The following KLKB1 variants were observed in gnomAD, a reference collection of about 807,000 sequenced individuals.
The protein encoded by KLKB1 is kallikrein B1.
Under a neutral mutation model 73.6 loss-of-function variants are expected in KLKB1, and 58 were observed. The observed-to-expected ratio is 0.79, with a 90% CI of 0.64 to 0.98. The LOEUF (loss-of-function observed/expected upper bound fraction) is 0.98. Ranked by LOEUF, KLKB1 falls within the 50% of genes least tolerant of loss-of-function variation. KLKB1 has a pLI of 0.00. For missense variants in KLKB1, 737 were observed against 763.8 expected (o/e 0.96, Z 0.41); for synonymous variants, 280 against 258.1 (o/e 1.08, Z -0.81).
chr4:186,215,040 G>A (rs1248811462), intron 2 of KLKB1, among the ~76,000 whole-genome samples: 1 of 152,002 alleles, frequency 6.6e-6, no homozygotes, highest in Non-Finnish European at 1.5e-5. Flanking sequence ...CAGAAATAAC[G>A]GCTGTACTTA....
intron 12 of KLKB1, 107 bp downstream of exon 12, chr4:186,254,870 C>T: frequency 1.0e-6 from 1 of 993,680 alleles, no homozygotes; most frequent in Non-Finnish European, 1.5e-6. Context: ...CGTTTTCTGA[C>T]TGGTGGAGTT....
At position 186,240,798 on chromosome 4, in the gene KLKB1, TA is replaced by T. The variant is rs1239897470; in HGVS notation, c.598+2434del. Among the ~76,000 whole-genome samples, 5 of 152,308 alleles carry T rather than the reference TA, an allele frequency of 3.3e-5. No homozygotes were observed. In the East Asian group the frequency reaches 9.7e-4, roughly 29 times the overall value. The stretch of plus-strand genomic sequence containing the variant: ...GGTGATTTAATTTTAACGTTCATAT[TA>T]TTTTTTTCTGGGAGAGTTTTTGAAG... On this transcript the variant is annotated intron_variant, in intron 6 of 14. Coordinates refer to ENST00000264690, the MANE Select transcript of KLKB1 (RefSeq NM_000892.5).
chr4:186,237,430 C>T (rs180987112), intron 5 of KLKB1, among the ~76,000 whole-genome samples: 2 of 152,202 alleles, frequency 1.3e-5, no homozygotes, highest in Non-Finnish European at 2.9e-5. Context: ...CATTTAATTT[C>T]ATTTGTTTCT....
At chr4:186,250,211 C>G in intron 6 of KLKB1, 32 bp from the exon 7 acceptor site, 1 of 1,609,186 alleles carries the variant, frequency 6.2e-7, no homozygotes, top group Admixed American at 1.7e-5. Context: ...ATGTCATTTC[C>G]TAAGGAACAT....
intron 4 of KLKB1, among the ~76,000 whole-genome samples, chr4:186,235,854 G>T (rs987224083): frequency 6.6e-6 from 1 of 151,934 alleles, no homozygotes; most frequent in Non-Finnish European, 1.5e-5. Flanking sequence ...GGTGGCTCAC[G>T]CCTGTAATCC....
At chr4:186,253,349 A>G (rs1470931413) in intron 11 of KLKB1, among the ~76,000 whole-genome samples, 1 of 152,212 alleles carries the variant, frequency 6.6e-6, no homozygotes, top group East Asian at 1.9e-4. Context: ...CTGCCACCAA[A>G]ATATAGCAGT....
At chr4:186,240,633 T>C (rs965073972) in intron 6 of KLKB1, among the ~76,000 whole-genome samples, 2 of 152,184 alleles carry the variant, frequency 1.3e-5, no homozygotes, top group African/African-American at 4.8e-5. Context: ...GTGCTGGCTC[T>C]GTGCCTGGCC....
intron 14 of KLKB1, among the ~76,000 whole-genome samples, chr4:186,257,737 AAGAG>A (rs1739079457): frequency 1.5e-5 from 2 of 131,750 alleles, no homozygotes; most frequent in Non-Finnish European, 3.2e-5. Flanking sequence ...AACTTTAAGA[AAGAG>A]TGAGTGTGTG....
chr4:186,241,018 T>G (rs1738015072), intron 6 of KLKB1, among the ~76,000 whole-genome samples: 1 of 152,098 alleles, frequency 6.6e-6, no homozygotes, highest in South Asian at 2.1e-4. Context: ...TAAATTGCAG[T>G]GAGTTCACAT....
At position 186,214,331 on chromosome 4, in the gene KLKB1, A is replaced by G. The variant is rs72647311; in HGVS notation, c.201+5059A>G. 9.8e-3 allele frequency among the ~76,000 whole-genome samples: 1,495 copies of G among 152,320 alleles called. 25 individuals carry two copies. Among genetic ancestry groups the G allele is most frequent in the African/African-American group, 0.034 (1,427 of 41,554 alleles). On this transcript the variant is annotated intron_variant, in intron 2 of 14. Coordinates refer to the KLKB1 transcript ENST00000511608. ...CCTACTTGGGAACCCAAGAGCCAGT[A>G]TATTGCCGTTTGCTTAAAAGGACTG...
rs146809417 is a variant in KLKB1 at position 186,240,844 on chromosome 4, C to T, written c.598+2479C>T. On this transcript the variant is annotated intron_variant, in intron 6 of 14. Transcript: ENST00000264690. ...TTGAAGGCTGCCAGGAGGCAGGACTCGATGCAAACATGCTCCATTCTGTAC... is the reference window on the plus strand; with the variant it reads ...TTGAAGGCTGCCAGGAGGCAGGACTTGATGCAAACATGCTCCATTCTGTAC... 2.0e-3 allele frequency among the ~76,000 whole-genome samples: 304 copies of T among 152,226 alleles called. 1 individual carries two copies. The highest frequency in any genetic ancestry group is 3.4e-3 in the Middle Eastern group (1 of 294).
At chr4:186,215,348 C>CT (rs1736863861) in intron 2 of KLKB1, among the ~76,000 whole-genome samples, 1 of 76,368 alleles carries the variant, frequency 1.3e-5, no homozygotes, top group Non-Finnish European at 2.8e-5. Context: ...CTCTTTCTTT[C>CT]CTTCTTTCTT....
At chr4:186,224,458 A>C (rs1278532762), upstream of KLKB1, among the ~76,000 whole-genome samples, 1 of 152,226 alleles carries the variant, frequency 6.6e-6, no homozygotes, top group African/African-American at 2.4e-5. Flanking sequence ...CACACCTTGC[A>C]TCAGCATGCC....
At chr4:186,247,633 A>G (rs1738425728) in intron 6 of KLKB1, among the ~76,000 whole-genome samples, 2 of 152,214 alleles carry the variant, frequency 1.3e-5, no homozygotes, top group Admixed American at 1.3e-4. Context: ...TACACTTTGG[A>G]AAAGATGGGG....
chr4:186,226,920 G>C (rs146601477), upstream of KLKB1, among the ~76,000 whole-genome samples: 1 of 152,114 alleles, frequency 6.6e-6, no homozygotes, highest in Non-Finnish European at 1.5e-5. Flanking sequence ...TCTAGGTTTT[G>C]TGTGGCCATC....
chr4:186,250,522 A>G, intron 7 of KLKB1, 120 bp downstream of exon 7: 1 of 1,139,410 alleles, frequency 8.8e-7, no homozygotes, highest in East Asian at 2.3e-5. Context: ...CCCTCAAAAC[A>G]CTTGAACCTG....
At chr4:186,225,678 C>T (rs1737145765), upstream of KLKB1, among the ~76,000 whole-genome samples, 1 of 152,086 alleles carries the variant, frequency 6.6e-6, no homozygotes, top group Non-Finnish European at 1.5e-5. Context: ...TCATGATCCA[C>T]CCATCTTGGC....
At chr4:186,223,169 A>G (rs1737067343), upstream of KLKB1, among the ~76,000 whole-genome samples, 1 of 152,204 alleles carries the variant, frequency 6.6e-6, no homozygotes, top group Non-Finnish European at 1.5e-5. Flanking sequence ...TGAGTCATTT[A>G]GACCTCTTTT....
At chr4:186,230,856 T>C (rs183656755) in intron 2 of KLKB1, among the ~76,000 whole-genome samples, 2 of 152,296 alleles carry the variant, frequency 1.3e-5, no homozygotes, top group East Asian at 1.9e-4. Flanking sequence ...AAATAGGCCT[T>C]TTTGTAACTA....
Sources: gnomAD v4.1 joint callset for allele counts (sites outside exome capture counted in the v4.1 genomes callset) on GRCh38, gnomAD v4.1.1 for gene constraint, MANE v1.5 for transcripts, NCBI Gene and HGNC (gene_info 2026-07-23, HGNC 2026-07-21) for gene names.